HS3ST4: variants seen among roughly 807,000 people sequenced by gnomAD.
HS3ST4 encodes heparan sulfate glucosamine 3-O-sulfotransferase 4.
A neutral mutation model predicts 29.2 loss-of-function variants in HS3ST4; 17 were observed. The observed-to-expected ratio is 0.58, with a 90% CI of 0.40 to 0.87. HS3ST4 has a LOEUF of 0.87. Among genes scored for constraint, HS3ST4 ranks in the 40% least tolerant of loss-of-function variants. HS3ST4 has a pLI of 0.00. For missense variants in HS3ST4, 627 were observed against 634.5 expected, an observed-to-expected ratio of 0.99 and a Z score of 0.13; for synonymous variants, 314 against 285.7, an observed-to-expected ratio of 1.10 and a Z score of -1.00.
chr16:25,832,903 A>G (rs1362418833), intron 1 of HS3ST4, among the ~76,000 whole-genome samples: 4 of 152,220 alleles, frequency 2.6e-5, no homozygotes, highest in Admixed American at 1.3e-4. Context: ...AGAAAAAGCA[A>G]TGGCTTCTGA....
intron 1 of HS3ST4, among the ~76,000 whole-genome samples, chr16:25,989,645 G>A (rs935499120): frequency 6.6e-6 from 1 of 152,170 alleles, no homozygotes; most frequent in African/African-American, 2.4e-5. Flanking sequence ...TTAAGGTCCC[G>A]TATGAGGCCT....
chr16:25,836,349 G>C (rs570756378), intron 1 of HS3ST4, among the ~76,000 whole-genome samples: 1 of 152,246 alleles, frequency 6.6e-6, no homozygotes, highest in East Asian at 1.9e-4. Flanking sequence ...CCCTAAGCAG[G>C]CAGTCCTGTT....
chr16:25,768,857 G>A (rs1183485303), intron 1 of HS3ST4, among the ~76,000 whole-genome samples: 1 of 152,038 alleles, frequency 6.6e-6, no homozygotes, highest in Non-Finnish European at 1.5e-5. Context: ...TTAAAAGATG[G>A]AACAGCATTG....
chr16:25,908,312 A>T (rs1968199497), intron 1 of HS3ST4, among the ~76,000 whole-genome samples: 1 of 152,236 alleles, frequency 6.6e-6, no homozygotes, highest in Non-Finnish European at 1.5e-5. Flanking sequence ...GAGTCCATGA[A>T]CTGACCCTTC....
chr16:25,774,460 T>C lies in HS3ST4; in HGVS notation c.734+81309T>C, dbSNP rs537384314. On this transcript the variant is annotated intron_variant, in intron 1 of 1. Transcript: ENST00000331351. The stretch of plus-strand genomic sequence containing the variant: ...AAATTCAAACTCAAGTCTTCTGCCT[T>C]CAAGAAGCAGTCTCTTCCCTTGCTA... 4.6e-5 allele frequency among the ~76,000 whole-genome samples: 7 copies of C among 152,334 alleles called. No homozygotes were observed. In the South Asian group the frequency reaches 1.5e-3, roughly 32 times the overall value.
At chr16:25,932,018 T>G (rs1276855319) in intron 1 of HS3ST4, among the ~76,000 whole-genome samples, 1 of 152,148 alleles carries the variant, frequency 6.6e-6, no homozygotes, top group Non-Finnish European at 1.5e-5. Flanking sequence ...AAACTCTATA[T>G]TGAAAGTTCA....
chr16:25,899,972 C>A (rs1052569691), intron 1 of HS3ST4, among the ~76,000 whole-genome samples: 1 of 152,176 alleles, frequency 6.6e-6, no homozygotes, highest in South Asian at 2.1e-4. Flanking sequence ...CAGGCCAACC[C>A]TGGGACCAGC....
chr16:25,860,783 G>A (rs1367339807), intron 1 of HS3ST4, among the ~76,000 whole-genome samples: 4 of 152,182 alleles, frequency 2.6e-5, no homozygotes, highest in Non-Finnish European at 5.9e-5. Context: ...ATGATACTAC[G>A]ATGGTGGATA....
At chr16:26,066,426 G>A (rs140806655) in intron 1 of HS3ST4, among the ~76,000 whole-genome samples, 8 of 152,318 alleles carry the variant, frequency 5.3e-5, no homozygotes, top group African/African-American at 1.7e-4. Context: ...GCATCATTTT[G>A]TACTATCTGA....
At chr16:26,134,024 A>G (rs542019283) in intron 1 of HS3ST4, among the ~76,000 whole-genome samples, 1 of 152,274 alleles carries the variant, frequency 6.6e-6, no homozygotes, top group African/African-American at 2.4e-5. Context: ...TGGCATTCTA[A>G]GCTTAATTTT....
At chr16:26,079,036 G>A (rs1422819380) in intron 1 of HS3ST4, among the ~76,000 whole-genome samples, 1 of 152,238 alleles carries the variant, frequency 6.6e-6, no homozygotes, top group East Asian at 1.9e-4. Flanking sequence ...AGGAAGAAAA[G>A]AAGGGGCTCT....
intron 1 of HS3ST4, among the ~76,000 whole-genome samples, chr16:25,873,777 C>CT (rs780174163): frequency 2.6e-5 from 4 of 151,966 alleles, no homozygotes; most frequent in Non-Finnish European, 4.4e-5. Context: ...TTAATCCATC[C>CT]ATTCTTTCAT....
At chr16:25,808,948 A>C (rs926660874) in intron 1 of HS3ST4, among the ~76,000 whole-genome samples, 3 of 152,074 alleles carry the variant, frequency 2.0e-5, no homozygotes, top group Non-Finnish European at 4.4e-5. Context: ...TTGTGTATTG[A>C]CCTTGTATGC....
At chr16:26,083,532 A>G (rs1300916992) in intron 1 of HS3ST4, among the ~76,000 whole-genome samples, 1 of 152,210 alleles carries the variant, frequency 6.6e-6, no homozygotes, top group East Asian at 1.9e-4. Flanking sequence ...TTTGCAGACC[A>G]TGAGGTCTTT....
At chr16:25,764,449 C>T (rs1393193099) in intron 1 of HS3ST4, among the ~76,000 whole-genome samples, 1 of 152,186 alleles carries the variant, frequency 6.6e-6, no homozygotes, top group Admixed American at 6.5e-5. Context: ...TTGAACCTCA[C>T]CCTGTGTGTG....
intron 1 of HS3ST4, among the ~76,000 whole-genome samples, chr16:25,745,544 C>A (rs1966679889): frequency 6.6e-6 from 1 of 152,092 alleles, no homozygotes; most frequent in African/African-American, 2.4e-5. Context: ...ACTCCCTGTT[C>A]AATAACATTC....
chr16:25,753,655 G>A (rs780910660), intron 1 of HS3ST4, among the ~76,000 whole-genome samples: 2 of 152,132 alleles, frequency 1.3e-5, no homozygotes, highest in Non-Finnish European at 2.9e-5. Context: ...TCAAGCCCAG[G>A]CCTGTCTGGC....
chr16:26,072,235 A>C (rs1318323033), intron 1 of HS3ST4, among the ~76,000 whole-genome samples: 1 of 152,242 alleles, frequency 6.6e-6, no homozygotes, highest in South Asian at 2.1e-4. Context: ...TGAATGAACT[A>C]TTTGTTAGGC....
chr16:26,040,855 T>C (rs1349283471), intron 1 of HS3ST4, among the ~76,000 whole-genome samples: 1 of 152,112 alleles, frequency 6.6e-6, no homozygotes, highest in East Asian at 1.9e-4. Flanking sequence ...TGCATCCATC[T>C]CCCTAATTTT....
Sources: gnomAD v4.1 joint callset for allele counts (sites outside exome capture counted in the v4.1 genomes callset) on GRCh38, gnomAD v4.1.1 for gene constraint, MANE v1.5 for transcripts, NCBI Gene and HGNC (gene_info 2026-07-23, HGNC 2026-07-21) for gene names.